Variants in ART1 observed in about 807,000 individuals in gnomAD.
ART1 encodes ADP-ribosyltransferase 1, also known as GPI-linked NAD(P)(+)--arginine ADP-ribosyltransferase 1.
A neutral mutation model predicts 27.0 loss-of-function variants in ART1; 29 were observed. That is an observed-to-expected ratio of 1.08 (90% confidence interval 0.80 to 1.47). The LOEUF is 1.47. ART1 is among the 40% of genes most tolerant of loss of function. The pLI is 0.00. For missense variants in ART1, 480 were observed against 423.0 expected (o/e 1.13, Z -1.18); for synonymous variants, 201 against 172.2 (o/e 1.17, Z -1.31).
At chr11:3,653,026 C>T (rs61878543) in intron 1 of ART1, among the ~76,000 whole-genome samples, 11,520 of 147,808 alleles carry the variant, frequency 0.078, 881 homozygotes, top group Non-Finnish European at 0.11. Flanking sequence ...TTTCTTCTAA[C>T]AACCCCACAA....
intron 1 of ART1, among the ~76,000 whole-genome samples, chr11:3,649,966 A>C (rs2077505935): frequency 6.6e-6 from 1 of 152,192 alleles, no homozygotes; most frequent in South Asian, 2.1e-4. Flanking sequence ...CCTGACATTA[A>C]ATAAAACTCC....
intron 1 of ART1, among the ~76,000 whole-genome samples, chr11:3,654,903 T>C (rs1759370168): frequency 6.6e-6 from 1 of 152,232 alleles, no homozygotes. Context: ...GTATCTTGTT[T>C]ATTGTAGAGC....
intron 1 of ART1, among the ~76,000 whole-genome samples, chr11:3,653,621 A>C (rs535799773): frequency 4.3e-4 from 66 of 152,296 alleles, no homozygotes; most frequent in African/African-American, 1.5e-3. Context: ...TGGTCTCTTC[A>C]CACGGACGCG....
At chr11:3,656,383 T>TTTATTTATTTAG (rs2077574823) in intron 1 of ART1, among the ~76,000 whole-genome samples, 2 of 119,682 alleles carry the variant, frequency 1.7e-5, no homozygotes, top group African/African-American at 5.3e-5. Context: ...TATTTATTTA[T>TTTATTTATTTAG]TTATTTTTTA....
intron 1 of ART1, among the ~76,000 whole-genome samples, chr11:3,646,320 A>G (rs2077469732): frequency 6.6e-6 from 1 of 151,978 alleles, no homozygotes; most frequent in African/African-American, 2.4e-5. Context: ...GTGGATGTTG[A>G]AGGGAAGGAG....
Position 3,660,038 on chromosome 11 carries a change from G to C in ART1, c.519G>C (p.Arg173=), listed in dbSNP as rs767921923. The C allele has an allele frequency of 1.2e-6, 2 of 1,613,704 alleles. No individual in the cohort carries two copies. Among genetic ancestry groups the C allele is most frequent in the Admixed American group, 1.7e-5 (1 of 60,020 alleles). Residue 173 remains arginine, a synonymous_variant, in exon 3 of 5, where the codon CGG becomes CGC. Coordinates refer to ENST00000250693, the MANE Select transcript of ART1 (RefSeq NM_004314.3). ...TGGGCAGCGGCCAGCGTCCACCCCG[G>C]TGCCACCAGGTGTTCCGAGGTGTGC... The part of the protein sequence containing the change: ...QLLGSGQRPP[R]CHQVFRGVHG...
intron 1 of ART1, among the ~76,000 whole-genome samples, chr11:3,651,942 C>T (rs1463089380): frequency 1.3e-5 from 2 of 150,752 alleles, no homozygotes; most frequent in Admixed American, 6.6e-5. Context: ...CAGGCTTAAT[C>T]GCCACACACC....
intron 1 of ART1, among the ~76,000 whole-genome samples, chr11:3,653,730 T>C (rs1207512738): frequency 6.6e-6 from 1 of 152,224 alleles, no homozygotes; most frequent in Admixed American, 6.5e-5. Context: ...CCTTGATTTT[T>C]CCCTCTCTCA....
At chr11:3,661,332 G>A (rs751581752) in intron 3 of ART1, 40 bp from the exon 4 acceptor site, 2 of 1,594,502 alleles carry the variant, frequency 1.3e-6, no homozygotes, top group Non-Finnish European at 1.7e-6. Context: ...CATCCTGACA[G>A]CTCCTGAGCC....
intron 1 of ART1, among the ~76,000 whole-genome samples, chr11:3,652,312 C>A (rs61878539): frequency 0.075 from 11,297 of 150,734 alleles, 585 homozygotes; most frequent in Non-Finnish European, 0.11. Flanking sequence ...CTCAGTTTAG[C>A]CTTCCCACCT....
At chr11:3,655,915 C>G (rs999802936) in intron 1 of ART1, among the ~76,000 whole-genome samples, 1 of 143,522 alleles carries the variant, frequency 7.0e-6, no homozygotes, top group African/African-American at 2.5e-5. Flanking sequence ...AGACCACAGA[C>G]AAGAGCTCAA....
At chr11:3,649,037 T>A (rs2077494228) in intron 1 of ART1, among the ~76,000 whole-genome samples, 1 of 151,698 alleles carries the variant, frequency 6.6e-6, no homozygotes, top group South Asian at 2.1e-4. Context: ...CTCTTATCTC[T>A]GCGCCCAAAC....
chr11:3,653,734 T>C lies in ART1; in HGVS notation c.-52-5428T>C, dbSNP rs186032933. ...CTGGGTGTCATCCTTGATTTTTCCC[T>C]CTCTCACGTCCCCTATAGCCCATCA... On this transcript the variant is annotated intron_variant, in intron 1 of 4. Coordinates refer to ENST00000250693, the MANE Select transcript of ART1 (RefSeq NM_004314.3). Among the ~76,000 whole-genome samples the C allele has an allele frequency of 3.9e-5, 6 of 152,206 alleles. No homozygotes were observed. In the East Asian group the frequency reaches 1.2e-3, roughly 29 times the overall value.
At position 3,660,248 on chromosome 11, in the gene ART1, C is replaced by A; in HGVS notation, c.729C>A (p.Ile243=). ...TCCCTGGAGAGGAAGAGGTGCTGAT[C>A]CCCCCCTTTGAGACCTTCCAAGTGA... ...SFFPGEEEVL[I]PPFETFQVIN... The change falls in exon 3 of 5, where the codon ATC becomes ATA. Residue 243 remains isoleucine, a synonymous_variant. Transcript: ENST00000250693. 3 of 1,613,336 alleles carry A rather than the reference C, an allele frequency of 1.9e-6. No individual in the cohort carries two copies. The highest frequency in any genetic ancestry group is 1.7e-5 in the Admixed American group (1 of 60,002).
intron 1 of ART1, among the ~76,000 whole-genome samples, chr11:3,648,432 A>C (rs553900867): frequency 1.3e-5 from 2 of 152,238 alleles, no homozygotes; most frequent in East Asian, 3.9e-4. Context: ...AGCGCAAGAA[A>C]TATCTCACCA....
intron 4 of ART1, among the ~76,000 whole-genome samples, chr11:3,662,113 T>C (rs2077626089): frequency 2.6e-5 from 4 of 152,224 alleles, no homozygotes. Context: ...CCCTCAGGGC[T>C]CCCTCAAACC....
In ART1 at chr11:3,649,389, G is replaced by A. The variant is rs189686626; in HGVS notation, c.-53+4210G>A. On this transcript the variant is annotated intron_variant, in intron 1 of 4. Transcript: ENST00000250693. ...AATTCTTGTCGTAAAATGGACAAACGGTCTGAGGTGCCTGACGTCAAGGCA... is the reference window on the plus strand; with the variant it reads ...AATTCTTGTCGTAAAATGGACAAACAGTCTGAGGTGCCTGACGTCAAGGCA... Among the ~76,000 whole-genome samples the A allele has an allele frequency of 6.4e-4, 97 of 152,242 alleles. 1 individual carries two copies. Among genetic ancestry groups the A allele is most frequent in the African/African-American group, 2.1e-3 (89 of 41,520 alleles).
rs16929858 is a variant in ART1 at position 3,659,052 on chromosome 11, G to C, written c.-52-110G>C. 9.0e-4 allele frequency: 600 copies of C among 666,506 alleles called. 2 individuals carry two copies. Among genetic ancestry groups the C allele is most frequent in the African/African-American group, 8.2e-3 (457 of 55,424 alleles). The allele number at this position is 666,506 out of a possible 1,614,324, so 41.3% of individuals were successfully genotyped here. ...CAGCAAGAAGGGTCCTCTCTCTTCT[G>C]AGCCTCCATGTCTGTCTTATGACTC... On this transcript the variant is annotated intron_variant, in intron 1 of 4. Coordinates refer to ENST00000250693, the MANE Select transcript of ART1 (RefSeq NM_004314.3).
At chr11:3,653,652 A>T (rs544072289) in intron 1 of ART1, among the ~76,000 whole-genome samples, 29 of 151,968 alleles carry the variant, frequency 1.9e-4, no homozygotes, top group Admixed American at 5.2e-4. Flanking sequence ...GGAGCTTCGT[A>T]TTTTTTTTAA....
Sources: gnomAD v4.1 joint callset for allele counts (sites outside exome capture counted in the v4.1 genomes callset) on GRCh38, gnomAD v4.1.1 for gene constraint, MANE v1.5 for transcripts, NCBI Gene and HGNC (gene_info 2026-07-23, HGNC 2026-07-21) for gene names.